STXBP5L: variants seen among roughly 807,000 people sequenced by gnomAD.
The protein encoded by STXBP5L is syntaxin-binding protein 5-like.
In STXBP5L, 65 loss-of-function variants were observed where a neutral mutation model predicts 144.5. That is an observed-to-expected ratio of 0.45 (90% CI 0.37 to 0.55). The LOEUF (loss-of-function observed/expected upper bound fraction) is 0.55, where lower values mean the gene tolerates loss of function less well. Ranked by LOEUF, STXBP5L falls within the 20% of genes least tolerant of loss-of-function variation. The pLI, the probability that STXBP5L is intolerant of heterozygous loss-of-function variation, is 0.00. For missense variants in STXBP5L, 1,298 were observed against 1,405.5 expected, an observed-to-expected ratio of 0.92 and a Z score of 1.22; for synonymous variants, 505 against 469.6, an observed-to-expected ratio of 1.08 and a Z score of -0.97.
intron 22 of STXBP5L, among the ~76,000 whole-genome samples, chr3:121,401,132 G>A (rs2046863119): frequency 6.6e-6 from 1 of 152,136 alleles, no homozygotes; most frequent in African/African-American, 2.4e-5. Flanking sequence ...CTGCCTGGCT[G>A]CATGTGTTCA....
At chr3:121,236,946 A>G (rs2049502900) in intron 12 of STXBP5L, among the ~76,000 whole-genome samples, 1 of 152,182 alleles carries the variant, frequency 6.6e-6, no homozygotes, top group Non-Finnish European at 1.5e-5. Flanking sequence ...AGCAGAGTAG[A>G]CATTAAATCT....
chr3:121,330,680 A>T (rs1186758808), intron 20 of STXBP5L, among the ~76,000 whole-genome samples: 1 of 152,134 alleles, frequency 6.6e-6, no homozygotes, highest in African/African-American at 2.4e-5. Context: ...CCCTGGCTGG[A>T]GACCAACTAA....
chr3:121,020,770 C>A (rs777923350), intron 3 of STXBP5L, among the ~76,000 whole-genome samples: 70 of 151,836 alleles, frequency 4.6e-4, no homozygotes, highest in Non-Finnish European at 7.1e-4. Context: ...AGTTCTAAAT[C>A]TTGAAACAAA....
intron 10 of STXBP5L, among the ~76,000 whole-genome samples, chr3:121,209,257 A>C (rs1321022459): frequency 6.6e-6 from 1 of 152,132 alleles, no homozygotes; most frequent in Non-Finnish European, 1.5e-5. Context: ...TTTATAGTAG[A>C]ATGATTTATA....
chr3:120,911,234 A>G (rs1251390265), intron 2 of STXBP5L, among the ~76,000 whole-genome samples: 1 of 152,160 alleles, frequency 6.6e-6, no homozygotes, highest in Non-Finnish European at 1.5e-5. Context: ...AAGGTTTTAA[A>G]TAAAAAACTT....
chr3:121,207,756 A>C (rs540585596), intron 10 of STXBP5L, among the ~76,000 whole-genome samples: 94 of 152,360 alleles, frequency 6.2e-4, no homozygotes, highest in Middle Eastern at 3.4e-3. Context: ...TGGCCATCAG[A>C]GAAATGCAAA....
chr3:121,348,464 G>A lies in STXBP5L; in HGVS notation c.2176+29924G>A, dbSNP rs145757968. On this transcript the variant is annotated intron_variant, in intron 20 of 26. Coordinates refer to ENST00000471454, the MANE Select transcript of STXBP5L (RefSeq NM_001308330.2). ...CAGGCTTTGGTATCAGGATGATGCTGGCCTCATAAAATGAGTTAGGGAGGA... is the reference window on the plus strand; with the variant it reads ...CAGGCTTTGGTATCAGGATGATGCTAGCCTCATAAAATGAGTTAGGGAGGA... Among the ~76,000 whole-genome samples, 685 of 152,146 alleles carry A rather than the reference G, an allele frequency of 4.5e-3. 16 individuals are homozygous for A. The highest frequency in any genetic ancestry group is 7.5e-3 in the East Asian group (39 of 5,176).
At chr3:120,933,187 A>G (rs138932294) in intron 2 of STXBP5L, among the ~76,000 whole-genome samples, 18,221 of 152,120 alleles carry the variant, frequency 0.12, 1,149 homozygotes, top group Non-Finnish European at 0.14. Context: ...CCTAAAACTT[A>G]AAGTATAATA....
At chr3:121,146,069 C>T (rs1218900751) in intron 7 of STXBP5L, among the ~76,000 whole-genome samples, 3 of 152,040 alleles carry the variant, frequency 2.0e-5, no homozygotes, top group African/African-American at 7.2e-5. Context: ...TCCCACTTCT[C>T]TGGTTCTCAG....
chr3:121,049,976 G>A (rs1232953632), intron 5 of STXBP5L, among the ~76,000 whole-genome samples: 3 of 152,138 alleles, frequency 2.0e-5, no homozygotes, highest in East Asian at 1.9e-4. Flanking sequence ...TGACAGAAGT[G>A]TGAATCCCTG....
intron 5 of STXBP5L, among the ~76,000 whole-genome samples, chr3:121,050,960 A>C (rs1947931394): frequency 6.6e-6 from 1 of 152,214 alleles, no homozygotes; most frequent in East Asian, 1.9e-4. Context: ...ACAGACTTTA[A>C]ACCAACAAAG....
At chr3:121,357,956 T>G (rs1169326182) in intron 20 of STXBP5L, 2 of 152,340 alleles carry the variant, frequency 1.3e-5, no homozygotes, top group East Asian at 3.9e-4. Flanking sequence ...TCTTTTTTTC[T>G]TTTTTAAAAA....
intron 19 of STXBP5L, among the ~76,000 whole-genome samples, chr3:121,313,033 G>A (rs1342497572): frequency 6.6e-6 from 1 of 151,470 alleles, no homozygotes; most frequent in African/African-American, 2.4e-5. Flanking sequence ...CCCAGTAGGG[G>A]CGGCCGGGCA....
At chr3:121,284,726 T>G (rs2051173084) in intron 19 of STXBP5L, among the ~76,000 whole-genome samples, 1 of 152,036 alleles carries the variant, frequency 6.6e-6, no homozygotes, top group Admixed American at 6.6e-5. Context: ...TCACCAGAAT[T>G]TTGCAAAAGT....
intron 5 of STXBP5L, 91 bp from the exon 6 acceptor site, chr3:121,114,834 A>G (rs1002024295): frequency 1.1e-5 from 8 of 760,572 alleles, no homozygotes; most frequent in South Asian, 2.6e-5. Context: ...TATTATTTAT[A>G]TAGCTATCAC....
intron 9 of STXBP5L, among the ~76,000 whole-genome samples, chr3:121,162,248 T>A (rs1480251957): frequency 6.6e-6 from 1 of 152,176 alleles, no homozygotes; most frequent in African/African-American, 2.4e-5. Context: ...TCCCACATAT[T>A]ACTTTGTAAA....
At chr3:121,378,499 A>T (rs1446035031) in intron 20 of STXBP5L, among the ~76,000 whole-genome samples, 3 of 152,214 alleles carry the variant, frequency 2.0e-5, no homozygotes, top group African/African-American at 7.2e-5. Context: ...CAAAATATAA[A>T]AAAATGAATC....
At chr3:121,032,303 A>G (rs1029292600) in intron 3 of STXBP5L, among the ~76,000 whole-genome samples, 1 of 152,074 alleles carries the variant, frequency 6.6e-6, no homozygotes, top group African/African-American at 2.4e-5. Context: ...CCAAAGGAAG[A>G]AGAATGTATC....
chr3:121,146,545 T>C (rs1225366295), intron 7 of STXBP5L, among the ~76,000 whole-genome samples: 1 of 152,040 alleles, frequency 6.6e-6, no homozygotes, highest in Non-Finnish European at 1.5e-5. Flanking sequence ...AATAGGCTAA[T>C]TACCAGACAA....
Sources: allele counts gnomAD v4.1 joint callset (sites outside exome capture counted in the v4.1 genomes callset), GRCh38; gene constraint gnomAD v4.1.1; transcripts MANE v1.5; gene names NCBI Gene and HGNC (gene_info 2026-07-23, HGNC 2026-07-21).